Variants in PDE4D observed in about 807,000 individuals in gnomAD.
The protein encoded by PDE4D is 3',5'-cyclic-AMP phosphodiesterase 4D.
PDE4D carries 24 observed loss-of-function variants against 87.4 expected under a neutral mutation model. That is an observed-to-expected ratio of 0.27 (90% CI 0.20 to 0.39). The LOEUF (loss-of-function observed/expected upper bound fraction) is 0.39, where lower values mean the gene tolerates loss of function less well. Ranked by LOEUF, PDE4D falls within the 10% of genes least tolerant of loss-of-function variation. The pLI is 1.00. For missense variants in PDE4D, 714 were observed against 1,041.0 expected, an observed-to-expected ratio of 0.69 and a Z score of 4.32; for synonymous variants, 384 against 383.2, an observed-to-expected ratio of 1.00 and a Z score of -0.02.
intron 1 of PDE4D, among the ~76,000 whole-genome samples, chr5:59,245,309 G>T (rs912704442): frequency 1.3e-5 from 2 of 152,126 alleles, no homozygotes; most frequent in African/African-American, 4.8e-5. Context: ...TGCCCAAAAA[G>T]GAAAGTAGCA....
chr5:60,190,234 T>C (rs1442067773), intron 1 of PDE4D, among the ~76,000 whole-genome samples: 1 of 152,186 alleles, frequency 6.6e-6, no homozygotes, highest in Non-Finnish European at 1.5e-5. Context: ...GAATAACAGA[T>C]TTTTCATGGG....
intron 3 of PDE4D, among the ~76,000 whole-genome samples, chr5:59,978,000 T>C (rs2152822736): frequency 6.6e-6 from 1 of 152,304 alleles, no homozygotes; most frequent in African/African-American, 2.4e-5. Context: ...TGTTGAGACA[T>C]ACTGCTCAGA....
intron 2 of PDE4D, among the ~76,000 whole-genome samples, chr5:60,156,395 C>T (rs1452128347): frequency 3.9e-5 from 6 of 152,106 alleles, no homozygotes; most frequent in Admixed American, 3.9e-4. Flanking sequence ...GAGAGCTTCC[C>T]CTAGAGTGAG....
At chr5:59,583,627 A>C (rs1028799192) in intron 1 of PDE4D, among the ~76,000 whole-genome samples, 3 of 152,230 alleles carry the variant, frequency 2.0e-5, no homozygotes, top group Non-Finnish European at 2.9e-5. Context: ...GTGTTCTATT[A>C]AACCAAGTAA....
At chr5:59,404,628 C>T (rs1791288739) in intron 1 of PDE4D, among the ~76,000 whole-genome samples, 1 of 148,094 alleles carries the variant, frequency 6.8e-6, no homozygotes, top group South Asian at 2.1e-4. Flanking sequence ...CACTGCACTT[C>T]AGCCTCCAGT....
intron 6 of PDE4D, chr5:59,001,961 C>T (rs1279747478): frequency 4.4e-6 from 2 of 449,586 alleles, no homozygotes; most frequent in African/African-American, 4.0e-5. Flanking sequence ...CTTGAGTAAC[C>T]CGGCATGTTC....
intron 1 of PDE4D, among the ~76,000 whole-genome samples, chr5:59,821,018 G>A (rs1485747850): frequency 2.0e-5 from 3 of 152,146 alleles, no homozygotes; most frequent in South Asian, 4.1e-4. Context: ...GATCACTTGA[G>A]ATCAGGAGTT....
At chr5:59,979,347 A>G (rs901112547) in intron 3 of PDE4D, among the ~76,000 whole-genome samples, 2 of 128,058 alleles carry the variant, frequency 1.6e-5, no homozygotes, top group South Asian at 5.7e-4. Context: ...TTATTTATAT[A>G]TTATAAATTA....
chr5:59,422,314 C>T (rs992452950), intron 1 of PDE4D, among the ~76,000 whole-genome samples: 24 of 152,120 alleles, frequency 1.6e-4, no homozygotes, highest in Admixed American at 1.5e-3. Context: ...CTCTCCATCA[C>T]CACTAAACTA....
At chr5:59,583,240 G>C (rs1245136488) in intron 1 of PDE4D, among the ~76,000 whole-genome samples, 4 of 152,136 alleles carry the variant, frequency 2.6e-5, no homozygotes, top group Non-Finnish European at 5.9e-5. Context: ...ACTGTGTTAG[G>C]TCATTCATGT....
At position 59,219,266 on chromosome 5, in the gene PDE4D, A is replaced by G. The variant is rs565986673; in HGVS notation, c.456-3298T>C. Among the ~76,000 whole-genome samples the G allele has an allele frequency of 5.3e-5, 8 of 152,222 alleles. No individual in the cohort carries two copies. In the East Asian group the frequency reaches 1.5e-3, roughly 29 times the overall value. On this transcript the variant is annotated intron_variant, in intron 1 of 14. Transcript: ENST00000340635. Reference sequence around the variant, plus strand: ...GAATTTCCGTAACAAATCACTGAGTACTTATTGTGTTGGAGTAAAGTAACT... The same window carrying G: ...GAATTTCCGTAACAAATCACTGAGTGCTTATTGTGTTGGAGTAAAGTAACT...
chr5:60,440,006 C>T (rs1320528935), intron 1 of PDE4D, among the ~76,000 whole-genome samples: 1 of 151,794 alleles, frequency 6.6e-6, no homozygotes, highest in Non-Finnish European at 1.5e-5. Context: ...AACTCTCTAA[C>T]TTCAACCCAT....
chr5:59,750,701 C>T (rs929288194), intron 1 of PDE4D, among the ~76,000 whole-genome samples: 1 of 151,960 alleles, frequency 6.6e-6, no homozygotes, highest in African/African-American at 2.4e-5. Context: ...TTTGGAAGGC[C>T]GAGGCTGGAG....
At chr5:60,040,120 TTATC>T (rs1431874049) in intron 2 of PDE4D, among the ~76,000 whole-genome samples, 1 of 152,222 alleles carries the variant, frequency 6.6e-6, no homozygotes, top group African/African-American at 2.4e-5. Flanking sequence ...TTGGACTAAT[TTATC>T]TATGTGTAGT....
intron 1 of PDE4D, among the ~76,000 whole-genome samples, chr5:59,246,913 G>A (rs1758957426): frequency 6.8e-6 from 1 of 147,148 alleles, no homozygotes; most frequent in African/African-American, 2.5e-5. Flanking sequence ...TTATCACAGT[G>A]TGTGTGTGTA....
intron 1 of PDE4D, among the ~76,000 whole-genome samples, chr5:59,329,721 T>A (rs1306741273): frequency 6.6e-6 from 1 of 152,218 alleles, no homozygotes; most frequent in African/African-American, 2.4e-5. Flanking sequence ...GAAGGCAGGC[T>A]GTCCTTGTCT....
At chr5:59,635,783 G>A (rs991714732) in intron 1 of PDE4D, among the ~76,000 whole-genome samples, 3 of 152,168 alleles carry the variant, frequency 2.0e-5, no homozygotes, top group African/African-American at 7.2e-5. Context: ...ACAACATACT[G>A]AATGGGCAAA....
intron 1 of PDE4D, among the ~76,000 whole-genome samples, chr5:59,453,611 A>G (rs1322079260): frequency 6.6e-6 from 1 of 152,242 alleles, no homozygotes; most frequent in Non-Finnish European, 1.5e-5. Flanking sequence ...CATTCCCTTA[A>G]GAAAAGCCTA....
intron 2 of PDE4D, among the ~76,000 whole-genome samples, chr5:60,140,368 C>G (rs1370446763): frequency 6.6e-6 from 1 of 151,756 alleles, no homozygotes; most frequent in Non-Finnish European, 1.5e-5. Flanking sequence ...AATTTGCAAG[C>G]TAGGTGGAAC....
Sources: allele counts gnomAD v4.1 joint callset (sites outside exome capture counted in the v4.1 genomes callset), GRCh38; gene constraint gnomAD v4.1.1; transcripts MANE v1.5; gene names NCBI Gene and HGNC (gene_info 2026-07-23, HGNC 2026-07-21).